The following TLN2 variants were observed in gnomAD, a reference collection of about 807,000 sequenced individuals.
TLN2 encodes the protein talin-2.
TLN2 carries 118 observed loss-of-function variants against 294.7 expected under a neutral mutation model. The ratio of observed to expected loss-of-function variants is 0.40; its 90% confidence interval spans 0.34 to 0.47. The LOEUF is 0.47. Ranked by LOEUF, TLN2 falls within the 20% of genes least tolerant of loss-of-function variation. The pLI, the probability that TLN2 is intolerant of heterozygous loss-of-function variation, is 0.84. For missense variants in TLN2, 3,083 were observed against 3,282.2 expected, an observed-to-expected ratio of 0.94 and a Z score of 1.48; for synonymous variants, 1,431 against 1,304.5, an observed-to-expected ratio of 1.10 and a Z score of -2.09.
intron 12 of TLN2, chr15:62,687,894 C>G (rs897960347): frequency 1.3e-5 from 2 of 152,176 alleles, no homozygotes; most frequent in Non-Finnish European, 2.9e-5. Context: ...TAGCTGTGTC[C>G]TCATCTTCCA....
chr15:62,691,151 G>A (rs115304410), intron 12 of TLN2, among the ~76,000 whole-genome samples: 9,039 of 151,990 alleles, frequency 0.059, 873 homozygotes, highest in African/African-American at 0.2. Flanking sequence ...CACTAATTTG[G>A]GGAAGTTTTC....
At chr15:62,821,271 C>G (rs549220712) in intron 54 of TLN2, among the ~76,000 whole-genome samples, 1 of 152,366 alleles carries the variant, frequency 6.6e-6, no homozygotes, top group East Asian at 1.9e-4. Flanking sequence ...AAGCTAATAC[C>G]TCCTACCCCA....
intron 43 of TLN2, among the ~76,000 whole-genome samples, chr15:62,780,059 C>G (rs572240429): frequency 1.3e-5 from 2 of 152,288 alleles, no homozygotes; most frequent in Admixed American, 1.3e-4. Flanking sequence ...CATTGCTTAC[C>G]CCAGATCCCA....
intron 54 of TLN2, chr15:62,832,075 A>AAAAT (rs1237115756): frequency 6.6e-6 from 1 of 151,660 alleles, no homozygotes; most frequent in East Asian, 1.9e-4. Flanking sequence ...TCTCACTGTA[A>AAAAT]AAATAAGGAT....
chr15:62,497,061 C>A (rs1200482806), intron 1 of TLN2, among the ~76,000 whole-genome samples: 1 of 152,150 alleles, frequency 6.6e-6, no homozygotes, highest in East Asian at 1.9e-4. Context: ...TGTGATTGCA[C>A]TTGCCCTGTG....
intron 55 of TLN2, chr15:62,834,872 A>G (rs1054281501): frequency 5.9e-5 from 9 of 152,212 alleles, no homozygotes; most frequent in African/African-American, 2.2e-4. Flanking sequence ...AGAGAATCCA[A>G]CTTGGACATG....
At chr15:62,528,993 A>T (rs1596024299) in intron 1 of TLN2, among the ~76,000 whole-genome samples, 1 of 152,122 alleles carries the variant, frequency 6.6e-6, no homozygotes, top group Non-Finnish European at 1.5e-5. Flanking sequence ...TTTTACTCAT[A>T]AGTAATACTT....
At chr15:62,599,019 T>G (rs1436574705) in intron 2 of TLN2, among the ~76,000 whole-genome samples, 1 of 152,102 alleles carries the variant, frequency 6.6e-6, no homozygotes, top group African/African-American at 2.4e-5. Context: ...GAATAGCACA[T>G]TGAGGATGGG....
intron 1 of TLN2, among the ~76,000 whole-genome samples, chr15:62,582,602 C>A (rs906986529): frequency 2.0e-5 from 3 of 152,064 alleles, no homozygotes; most frequent in Non-Finnish European, 4.4e-5. Flanking sequence ...TAAGAGTGGG[C>A]ATCAAAGCCC....
At chr15:62,409,874 A>AT (rs1298175554) in intron 1 of TLN2, among the ~76,000 whole-genome samples, 5 of 152,110 alleles carry the variant, frequency 3.3e-5, no homozygotes, top group Non-Finnish European at 7.3e-5. Flanking sequence ...CCACAAATGA[A>AT]TTTTTTCCCC....
At chr15:62,730,992 C>G (rs767372636) in intron 28 of TLN2, among the ~76,000 whole-genome samples, 34 of 152,108 alleles carry the variant, frequency 2.2e-4, no homozygotes, top group Non-Finnish European at 3.8e-4. Flanking sequence ...CATAGTTTTT[C>G]TTTTCATGCT....
At chr15:62,531,730 G>A (rs1356226991) in intron 1 of TLN2, among the ~76,000 whole-genome samples, 8 of 152,294 alleles carry the variant, frequency 5.3e-5, no homozygotes, top group Non-Finnish European at 1.2e-4. Flanking sequence ...TATCCATCTT[G>A]TCTTATGTGG....
chr15:62,594,365 G>A (rs957167180), intron 2 of TLN2, among the ~76,000 whole-genome samples: 3 of 152,048 alleles, frequency 2.0e-5, no homozygotes, highest in Admixed American at 6.6e-5. Context: ...GTGCCACCAC[G>A]CCCAGCTAAT....
intron 3 of TLN2, among the ~76,000 whole-genome samples, chr15:62,643,148 T>C (rs2051341922): frequency 6.6e-6 from 1 of 152,228 alleles, no homozygotes. Flanking sequence ...AAATCCCATA[T>C]GACTGGGTTT....
chr15:62,609,186 A>T (rs2047705085), intron 2 of TLN2, among the ~76,000 whole-genome samples: 1 of 152,228 alleles, frequency 6.6e-6, no homozygotes, highest in Non-Finnish European at 1.5e-5. Flanking sequence ...TGAAACAATC[A>T]CAGACTCACA....
intron 28 of TLN2, 117 bp downstream of exon 28, chr15:62,727,306 A>C: frequency 1.1e-6 from 1 of 899,880 alleles, no homozygotes; most frequent in Non-Finnish European, 1.7e-6. Context: ...CCAGCAGTTC[A>C]CCGTATATTT....
intron 50 of TLN2, 150 bp from the exon 51 acceptor site, chr15:62,805,450 T>A: frequency 1.3e-6 from 1 of 747,850 alleles, no homozygotes; most frequent in Non-Finnish European, 2.1e-6. Context: ...ACCATATTAC[T>A]GTACTCAAAT....
chr15:62,750,251 T>C, intron 33 of TLN2, 151 bp from the exon 34 acceptor site: 4 of 668,800 alleles, frequency 6.0e-6, no homozygotes, highest in South Asian at 3.6e-5. Flanking sequence ...GAAGTCATGA[T>C]ACCATGATGT....
intron 22 of TLN2, among the ~76,000 whole-genome samples, chr15:62,712,301 G>C (rs1018939766): frequency 6.6e-6 from 1 of 152,196 alleles, no homozygotes; most frequent in African/African-American, 2.4e-5. Context: ...GTAGCAAAGT[G>C]CCCTCTTTAG....
Sources: allele counts gnomAD v4.1 joint callset (sites outside exome capture counted in the v4.1 genomes callset), GRCh38; gene constraint gnomAD v4.1.1; transcripts MANE v1.5; gene names NCBI Gene and HGNC (gene_info 2026-07-23, HGNC 2026-07-21).